Variants in DNAH9 observed in about 807,000 individuals in gnomAD.
DNAH9 encodes the protein dynein axonemal heavy chain 9.
In DNAH9, 345 loss-of-function variants were observed where a neutral mutation model predicts 471.6. That is an observed-to-expected ratio of 0.73 (90% CI 0.67 to 0.80). The LOEUF is 0.80. DNAH9 is among the 30% of genes least tolerant of loss of function. The probability of loss-of-function intolerance (pLI) is 0.00; values close to 1 mark genes in which losing one functional copy is unlikely to be tolerated. For missense variants in DNAH9, 5,407 were observed against 5,609.2 expected (o/e 0.96, Z 1.15); for synonymous variants, 2,093 against 2,123.6 (o/e 0.99, Z 0.40).
chr17:11,674,649 A>G (rs1247228977), intron 17 of DNAH9, among the ~76,000 whole-genome samples: 1 of 151,570 alleles, frequency 6.6e-6, no homozygotes, highest in Admixed American at 6.6e-5. Context: ...CTGTCTTTTC[A>G]CTCCACTTAT....
intron 1 of DNAH9, among the ~76,000 whole-genome samples, chr17:11,607,856 C>T (rs111753812): frequency 0.035 from 5,391 of 152,230 alleles, 355 homozygotes; most frequent in African/African-American, 0.12. Context: ...AGGCATGAAC[C>T]ACCGCACTTA....
chr17:11,796,647 G>C (rs1969251955), intron 42 of DNAH9, among the ~76,000 whole-genome samples: 1 of 151,778 alleles, frequency 6.6e-6, no homozygotes, highest in East Asian at 2.0e-4. Flanking sequence ...AGGTCTTCCA[G>C]TCTGAACTTT....
intron 47 of DNAH9, 33 bp from the exon 48 acceptor site, chr17:11,822,767 GA>G (rs1167540909): frequency 6.2e-7 from 1 of 1,611,352 alleles, no homozygotes; most frequent in Non-Finnish European, 8.5e-7. Context: ...TTCAACACAA[GA>G]TAATCTTTTC....
chr17:11,817,417 G>A (rs2150935492), intron 45 of DNAH9, among the ~76,000 whole-genome samples: 1 of 152,204 alleles, frequency 6.6e-6, no homozygotes, highest in South Asian at 2.1e-4. Context: ...TCAACGTCTT[G>A]GAATTAAGAG....
intron 44 of DNAH9, among the ~76,000 whole-genome samples, chr17:11,809,391 C>T (rs746726007): frequency 1.3e-5 from 2 of 151,934 alleles, no homozygotes; most frequent in Non-Finnish European, 2.9e-5. Context: ...TGGTGAAACC[C>T]CATCTCTACA....
intron 64 of DNAH9, among the ~76,000 whole-genome samples, chr17:11,933,415 T>G (rs1974586003): frequency 6.6e-6 from 1 of 151,912 alleles, no homozygotes; most frequent in Non-Finnish European, 1.5e-5. Flanking sequence ...AGTTTCGCTC[T>G]TGTTGCCCAG....
At chr17:11,953,136 ATGGAGG>A (rs1975458662) in intron 67 of DNAH9, among the ~76,000 whole-genome samples, 1 of 152,204 alleles carries the variant, frequency 6.6e-6, no homozygotes, top group African/African-American at 2.4e-5. Flanking sequence ...ATACAGTCAC[ATGGAGG>A]GTTGGGGCTT....
At chr17:11,931,978 T>C (rs776547522) in intron 63 of DNAH9, 36 bp from the exon 64 acceptor site, 1 of 1,608,770 alleles carries the variant, frequency 6.2e-7, no homozygotes, top group Non-Finnish European at 8.5e-7. Context: ...TAAGAGAAGT[T>C]GTGTGCGAAC....
intron 65 of DNAH9, among the ~76,000 whole-genome samples, chr17:11,935,099 G>C (rs1007666529): frequency 6.6e-6 from 1 of 151,692 alleles, no homozygotes; most frequent in African/African-American, 2.4e-5. Flanking sequence ...TGAGTAGCTG[G>C]GATTACAGGC....
intron 43 of DNAH9, 81 bp downstream of exon 43, chr17:11,797,874 ACTTCC>A: frequency 7.0e-7 from 1 of 1,430,482 alleles, no homozygotes; most frequent in Non-Finnish European, 9.5e-7. Context: ...ATTTGAGGTC[ACTTCC>A]GTAAAGCCAG....
chr17:11,920,631 A>AAAG (rs1555621169), intron 61 of DNAH9, among the ~76,000 whole-genome samples: 32 of 148,448 alleles, frequency 2.2e-4, no homozygotes, highest in African/African-American at 3.0e-4. Context: ...AAAAAAAAAA[A>AAAG]AAAAGAAAAG....
intron 53 of DNAH9, among the ~76,000 whole-genome samples, chr17:11,878,778 C>T (rs1299401983): frequency 6.6e-6 from 1 of 152,144 alleles, no homozygotes; most frequent in African/African-American, 2.4e-5. Flanking sequence ...TGGTCTCAAA[C>T]TCCTGGTCTC....
intron 19 of DNAH9, among the ~76,000 whole-genome samples, chr17:11,688,506 A>G (rs1597480307): frequency 6.6e-6 from 1 of 152,306 alleles, no homozygotes; most frequent in East Asian, 1.9e-4. Context: ...CTTCATGGCC[A>G]CTCACAGTGG....
intron 39 of DNAH9, 78 bp from the exon 40 acceptor site, chr17:11,783,568 A>G: frequency 1.9e-6 from 2 of 1,059,798 alleles, no homozygotes; most frequent in Admixed American, 3.8e-5. Context: ...AGTAGGGCAC[A>G]TCCTACCGCA....
chr17:11,762,278 T>A (rs1396086680), intron 35 of DNAH9, among the ~76,000 whole-genome samples: 1 of 152,198 alleles, frequency 6.6e-6, no homozygotes, highest in Non-Finnish European at 1.5e-5. Flanking sequence ...GCTGTATTTG[T>A]TATGAAAACG....
rs141827070 is a variant in DNAH9 at position 11,683,577 on chromosome 17, G to A, written c.3743+2688G>A. ...GACTGCTTGAAAGGGAAACAACATT[G>A]GTGTGCTTTTGTGTCTGTTCGAAAT... On this transcript the variant is annotated intron_variant, in intron 19 of 68. Coordinates refer to ENST00000262442, the MANE Select transcript of DNAH9 (RefSeq NM_001372.4). Among the ~76,000 whole-genome samples, 22 of 152,274 alleles carry A rather than the reference G, an allele frequency of 1.4e-4. No homozygotes were observed. The East Asian group carries it at 4.2e-3, about 29-fold the overall frequency.
chr17:11,652,355 G>A (rs996969338), intron 13 of DNAH9, among the ~76,000 whole-genome samples: 11 of 126,716 alleles, frequency 8.7e-5, no homozygotes, highest in African/African-American at 2.1e-4. Flanking sequence ...GCACAATCTC[G>A]GCTCACTGCA....
chr17:11,731,080 A>C (rs1597559269), intron 28 of DNAH9, among the ~76,000 whole-genome samples: 1 of 71,252 alleles, frequency 1.4e-5, no homozygotes. Flanking sequence ...GATGATAGTG[A>C]TGATGATGGT....
intron 5 of DNAH9, among the ~76,000 whole-genome samples, chr17:11,618,140 T>A (rs890117800): frequency 2.3e-4 from 35 of 152,336 alleles, no homozygotes; most frequent in African/African-American, 8.2e-4. Flanking sequence ...GAGGCTTCCA[T>A]GTGATAATGC....
Sources: gnomAD v4.1 joint callset for allele counts (sites outside exome capture counted in the v4.1 genomes callset) on GRCh38, gnomAD v4.1.1 for gene constraint, MANE v1.5 for transcripts, NCBI Gene and HGNC (gene_info 2026-07-23, HGNC 2026-07-21) for gene names.